Variants in ROBO2 observed in about 807,000 individuals in gnomAD.
ROBO2 encodes roundabout homolog 2.
A neutral mutation model predicts 160.8 loss-of-function variants in ROBO2; 53 were observed. That is an observed-to-expected ratio of 0.33 (90% confidence interval 0.26 to 0.41). The LOEUF is 0.41. ROBO2 is among the 10% of genes least tolerant of loss of function. The probability of loss-of-function intolerance (pLI) is 1.00; values close to 1 mark genes in which losing one functional copy is unlikely to be tolerated. For synonymous variants in ROBO2, 664 were observed against 611.7 expected (o/e 1.09, Z -1.26); for missense variants, 1,577 against 1,722.4 (o/e 0.92, Z 1.49).
chr3:76,654,120 A>C (rs1286143751), intron 2 of ROBO2, among the ~76,000 whole-genome samples: 1 of 152,132 alleles, frequency 6.6e-6, no homozygotes, highest in Non-Finnish European at 1.5e-5. Flanking sequence ...CTTCGAAGTG[A>C]ATATTCATTA....
At chr3:76,773,295 T>G (rs2062031122) in intron 2 of ROBO2, among the ~76,000 whole-genome samples, 1 of 151,196 alleles carries the variant, frequency 6.6e-6, no homozygotes, top group Admixed American at 6.6e-5. Flanking sequence ...TCTGTTTTTT[T>G]TAATGAGAAA....
chr3:76,640,539 TAATAAATA>T (rs56257359), intron 2 of ROBO2, among the ~76,000 whole-genome samples: 4,286 of 144,582 alleles, frequency 0.03, 207 homozygotes, highest in African/African-American at 0.11. Flanking sequence ...GTCTCAAAAA[TAATAAATA>T]AATAAATAAA....
chr3:75,912,443 A>T (rs551673353), intron 1 of ROBO2, among the ~76,000 whole-genome samples: 37 of 152,346 alleles, frequency 2.4e-4, no homozygotes, highest in African/African-American at 8.7e-4. Flanking sequence ...TTTTTAAAAT[A>T]CTGCTTTGAG....
At chr3:77,540,465 C>CTT (rs138448253) in intron 6 of ROBO2, among the ~76,000 whole-genome samples, 13,645 of 151,872 alleles carry the variant, frequency 0.09, 1,325 homozygotes, top group African/African-American at 0.25. Flanking sequence ...TCTAATTTAA[C>CTT]TAAGAAAGCT....
At chr3:76,244,630 T>G (rs956907612) in intron 2 of ROBO2, among the ~76,000 whole-genome samples, 2 of 152,148 alleles carry the variant, frequency 1.3e-5, no homozygotes, top group African/African-American at 4.8e-5. Context: ...TACGGCCTAA[T>G]TAATTCAGAG....
chr3:76,222,305 G>T (rs1300562609), intron 2 of ROBO2, among the ~76,000 whole-genome samples: 10 of 152,130 alleles, frequency 6.6e-5, no homozygotes, highest in Admixed American at 6.6e-4. Flanking sequence ...AAGTTTTAGA[G>T]CAGGAGTGAA....
chr3:77,592,797 C>G (rs1271934106), intron 17 of ROBO2, among the ~76,000 whole-genome samples: 1 of 151,920 alleles, frequency 6.6e-6, no homozygotes, highest in Non-Finnish European at 1.5e-5. Flanking sequence ...TGATCCACCC[C>G]CTCCTTGGCC....
At chr3:76,750,983 G>A (rs1421208374) in intron 2 of ROBO2, among the ~76,000 whole-genome samples, 2 of 152,090 alleles carry the variant, frequency 1.3e-5, no homozygotes, top group African/African-American at 2.4e-5. Flanking sequence ...AGCCCACATT[G>A]CCAAGACAAT....
intron 2 of ROBO2, among the ~76,000 whole-genome samples, chr3:77,439,215 G>A (rs1323995778): frequency 6.6e-6 from 1 of 151,928 alleles, no homozygotes; most frequent in Non-Finnish European, 1.5e-5. Context: ...CAAAAAGTGA[G>A]TAATATCTTG....
In ROBO2 at chr3:76,597,245, G is replaced by GA. The variant is rs200754686; in HGVS notation, c.110-500763dup. 5.9e-3 allele frequency among the ~76,000 whole-genome samples: 896 copies of GA among 151,842 alleles called. 7 individuals are homozygous for GA. Among genetic ancestry groups the GA allele is most frequent in the African/African-American group, 0.021 (876 of 41,432 alleles). On this transcript the variant is annotated intron_variant, in intron 2 of 26. Coordinates refer to the ROBO2 transcript ENST00000487694. ...GAAACAAAAAGAACAATTCATAAAA[G>GA]AAAAAATTAATAAATGGACCACATC...
At chr3:77,602,565 G>T in intron 20 of ROBO2, 74 bp downstream of exon 21, 1 of 1,544,790 alleles carries the variant, frequency 6.5e-7, no homozygotes, top group Non-Finnish European at 8.9e-7. Context: ...AGTATTTGTT[G>T]TTTGACTTAG....
At chr3:77,131,465 A>G (rs1207972522) in intron 2 of ROBO2, among the ~76,000 whole-genome samples, 1 of 152,188 alleles carries the variant, frequency 6.6e-6, no homozygotes, top group African/African-American at 2.4e-5. Flanking sequence ...TACGTTTAAG[A>G]TAGCTGCATT....
chr3:76,172,871 C>G (rs1276075270), intron 2 of ROBO2, among the ~76,000 whole-genome samples: 1 of 151,842 alleles, frequency 6.6e-6, no homozygotes, highest in East Asian at 1.9e-4. Context: ...AAAAATTGAC[C>G]ACCTGAATTA....
In ROBO2 at chr3:76,622,253, A is replaced by AGAAG. The variant is rs2089229080; in HGVS notation, c.110-475758_110-475757insGGAA. 3.8e-4 allele frequency among the ~76,000 whole-genome samples: 22 copies of AGAAG among 57,538 alleles called. 2 individuals are homozygous for AGAAG. The highest frequency in any genetic ancestry group is 6.2e-4 in the Non-Finnish European group (18 of 28,854). The allele number at this position is 57,538 out of a possible 152,430, so 37.7% of individuals were successfully genotyped here. On this transcript the variant is annotated intron_variant, in intron 2 of 26. Coordinates refer to the ROBO2 transcript ENST00000487694. ...AAGGAAGGAAGAAAGAAAGAAAGAA[A>AGAAG]GAAAGAAAGAAAGAAAGAAAGAAAG...
At chr3:77,476,617 T>C (rs2084041435) in intron 2 of ROBO2, among the ~76,000 whole-genome samples, 1 of 152,004 alleles carries the variant, frequency 6.6e-6, no homozygotes, top group Non-Finnish European at 1.5e-5. Context: ...CTGAGCCATC[T>C]CTCCAGGCTT....
At chr3:77,354,376 T>C (rs971823851) in intron 2 of ROBO2, among the ~76,000 whole-genome samples, 3 of 152,224 alleles carry the variant, frequency 2.0e-5, no homozygotes, top group Admixed American at 1.3e-4. Flanking sequence ...ATTGTTCCTT[T>C]GTTAATTTTC....
intron 2 of ROBO2, among the ~76,000 whole-genome samples, chr3:77,301,528 CAATT>C (rs1379156139): frequency 6.6e-6 from 1 of 152,104 alleles, no homozygotes; most frequent in Non-Finnish European, 1.5e-5. Context: ...ATTCAATTAT[CAATT>C]CATTCACTTA....
At position 77,024,000 on chromosome 3, in the gene ROBO2, G is replaced by A. The variant is rs1048361253; in HGVS notation, c.110-74014G>A. On this transcript the variant is annotated intron_variant, in intron 2 of 26. Transcript: ENST00000487694. ...TAAATGCTTCAAGTATAAAAATGTG[G>A]TATTAGTATCACATTTTCTTCAGGT... Among the ~76,000 whole-genome samples, 6 of 152,088 alleles carry A rather than the reference G, an allele frequency of 3.9e-5. No homozygotes were observed. In the South Asian group the frequency reaches 8.3e-4, roughly 21 times the overall value.
chr3:76,783,691 CG>C (rs1471924013), intron 2 of ROBO2, among the ~76,000 whole-genome samples: 1 of 150,448 alleles, frequency 6.6e-6, no homozygotes, highest in African/African-American at 2.4e-5. Flanking sequence ...TAGAATGTCT[CG>C]ATAAAAGCCT....
Sources: allele counts gnomAD v4.1 joint callset (sites outside exome capture counted in the v4.1 genomes callset), GRCh38; gene constraint gnomAD v4.1.1; transcripts MANE v1.5; gene names NCBI Gene and HGNC (gene_info 2026-07-23, HGNC 2026-07-21).